Variants in THSD7B observed in about 807,000 individuals in gnomAD.
THSD7B encodes thrombospondin type 1 domain containing 7B.
Under a neutral mutation model 213.6 loss-of-function variants are expected in THSD7B, and 138 were observed. The observed-to-expected ratio is 0.65, with a 90% CI of 0.56 to 0.74. THSD7B has a LOEUF of 0.74. THSD7B is among the 30% of genes least tolerant of loss of function. THSD7B has a pLI of 0.00. For missense variants in THSD7B, 1,931 were observed against 1,991.5 expected, an observed-to-expected ratio of 0.97 and a Z score of 0.58; for synonymous variants, 742 against 687.0, an observed-to-expected ratio of 1.08 and a Z score of -1.25.
At chr2:137,253,935 A>G (rs1271892379) in intron 10 of THSD7B, among the ~76,000 whole-genome samples, 1 of 152,202 alleles carries the variant, frequency 6.6e-6, no homozygotes, top group Non-Finnish European at 1.5e-5. Flanking sequence ...AGTAAAGCCT[A>G]GAATTAGAGG....
chr2:137,062,399 T>G (rs1687294311), intron 3 of THSD7B, among the ~76,000 whole-genome samples: 1 of 151,768 alleles, frequency 6.6e-6, no homozygotes, highest in Non-Finnish European at 1.5e-5. Flanking sequence ...CTCTTCTTTT[T>G]CTAGTTTCCT....
intron 3 of THSD7B, among the ~76,000 whole-genome samples, chr2:137,077,869 C>T (rs185425929): frequency 1.6e-3 from 251 of 152,176 alleles, no homozygotes; most frequent in African/African-American, 5.7e-3. Flanking sequence ...GTTGCCATTG[C>T]TTTTGGTGTT....
chr2:136,794,191 A>T (rs553706990), intron 1 of THSD7B, among the ~76,000 whole-genome samples: 2 of 151,214 alleles, frequency 1.3e-5, no homozygotes, highest in African/African-American at 2.4e-5. Context: ...TGAATTCTGT[A>T]TATCTGCTTT....
intron 1 of THSD7B, among the ~76,000 whole-genome samples, chr2:136,803,402 A>C (rs557939330): frequency 6.6e-6 from 1 of 152,158 alleles, no homozygotes. Flanking sequence ...GAAAGAGGGA[A>C]CATGTCAAAT....
At chr2:137,127,015 G>A (rs1688640760) in intron 5 of THSD7B, among the ~76,000 whole-genome samples, 1 of 151,878 alleles carries the variant, frequency 6.6e-6, no homozygotes, top group African/African-American at 2.4e-5. Context: ...CCAAAACAAT[G>A]ACAATAATAA....
intron 12 of THSD7B, among the ~76,000 whole-genome samples, chr2:137,357,518 A>C (rs1001166380): frequency 6.6e-6 from 1 of 151,914 alleles, no homozygotes; most frequent in African/African-American, 2.4e-5. Flanking sequence ...AAAATGTTGG[A>C]CCCCCGATGC....
At chr2:136,872,382 CGGGGGGGTG>C in intron 1 of THSD7B, among the ~76,000 whole-genome samples, 1 of 21,576 alleles carries the variant, frequency 4.6e-5, no homozygotes, top group East Asian at 1.1e-3. Flanking sequence ...ATACTTTTTT[CGGGGGGGTG>C]GGGGGGACTT....
At chr2:137,166,717 C>T (rs531614285) in intron 6 of THSD7B, among the ~76,000 whole-genome samples, 1 of 152,148 alleles carries the variant, frequency 6.6e-6, no homozygotes, top group Non-Finnish European at 1.5e-5. Context: ...ATGTTACATA[C>T]CAAAAATGGG....
At chr2:137,575,725 C>CACAT (rs59620213) in intron 17 of THSD7B, among the ~76,000 whole-genome samples, 2 of 110,814 alleles carry the variant, frequency 1.8e-5, no homozygotes, top group African/African-American at 6.2e-5. Context: ...CCATAACACA[C>CACAT]ATATATATAT....
At chr2:137,013,207 C>T (rs191177420) in intron 2 of THSD7B, among the ~76,000 whole-genome samples, 11 of 152,286 alleles carry the variant, frequency 7.2e-5, no homozygotes, top group Admixed American at 7.2e-4. Context: ...GGCTTACTCT[C>T]TTAGCTGAAA....
chr2:137,486,003 C>T (rs1171584269), intron 15 of THSD7B, among the ~76,000 whole-genome samples: 1 of 152,130 alleles, frequency 6.6e-6, no homozygotes, highest in Non-Finnish European at 1.5e-5. Context: ...AAGCACTAAA[C>T]ATGGAAAGGA....
chr2:136,891,310 A>G (rs1683854320), intron 2 of THSD7B, among the ~76,000 whole-genome samples: 1 of 152,144 alleles, frequency 6.6e-6, no homozygotes, highest in African/African-American at 2.4e-5. Flanking sequence ...AGTGTTTCAC[A>G]TTATTAAAAG....
intron 12 of THSD7B, among the ~76,000 whole-genome samples, chr2:137,400,548 T>C (rs1027615213): frequency 3.3e-5 from 5 of 152,132 alleles, no homozygotes; most frequent in African/African-American, 1.2e-4. Context: ...AGTGGTACAC[T>C]GGGTGGATGA....
intron 16 of THSD7B, among the ~76,000 whole-genome samples, chr2:137,564,348 A>G (rs889449560): frequency 2.0e-5 from 3 of 152,184 alleles, no homozygotes; most frequent in Admixed American, 1.3e-4. Context: ...TTGCAAAATC[A>G]CTGGTAGTCA....
In THSD7B at chr2:136,790,107, TTGTG is replaced by T. The variant is rs1681935301; in HGVS notation, c.-36+24428_-36+24431del. ...CTAGTGCTTGGGAATCTTTCCTGGT[TTGTG>T]TGTGTGTTTGTGTGTGTGTGTGTGT... On this transcript the variant is annotated intron_variant, in intron 1 of 27. Coordinates refer to ENST00000409968, the MANE Select transcript of THSD7B (RefSeq NM_001316349.2). Among the ~76,000 whole-genome samples the T allele has an allele frequency of 2.0e-5, 3 of 149,644 alleles. 1 individual carries two copies. The South Asian group carries it at 6.3e-4, about 32-fold the overall frequency.
intron 5 of THSD7B, among the ~76,000 whole-genome samples, chr2:137,143,439 G>A (rs112891400): frequency 0.037 from 5,556 of 152,210 alleles, 360 homozygotes; most frequent in African/African-American, 0.12. Flanking sequence ...GGAAAGGAGG[G>A]ATTTAGGAGT....
chr2:137,529,429 T>A (rs888895538), intron 15 of THSD7B, among the ~76,000 whole-genome samples: 1 of 151,994 alleles, frequency 6.6e-6, no homozygotes, highest in Admixed American at 6.6e-5. Flanking sequence ...GACTAATGAT[T>A]GTCCCAAAGA....
At chr2:136,947,551 C>G (rs143997833) in intron 2 of THSD7B, among the ~76,000 whole-genome samples, 1 of 152,122 alleles carries the variant, frequency 6.6e-6, no homozygotes, top group Non-Finnish European at 1.5e-5. Context: ...TGATGATAGA[C>G]GACCCTGACC....
chr2:136,811,858 C>T (rs1372568386), intron 1 of THSD7B, among the ~76,000 whole-genome samples: 1 of 152,290 alleles, frequency 6.6e-6, no homozygotes, highest in East Asian at 1.9e-4. Context: ...TGGTTGTCCT[C>T]TTTGGAAGGG....
Sources: gnomAD v4.1 joint callset for allele counts (sites outside exome capture counted in the v4.1 genomes callset) on GRCh38, gnomAD v4.1.1 for gene constraint, MANE v1.5 for transcripts, NCBI Gene and HGNC (gene_info 2026-07-23, HGNC 2026-07-21) for gene names.